The following DOK6 variants were observed in gnomAD, a reference collection of about 807,000 sequenced individuals.
DOK6 encodes docking protein 6.
A neutral mutation model predicts 44.0 loss-of-function variants in DOK6; 22 were observed. The ratio of observed to expected loss-of-function variants is 0.50; its 90% CI spans 0.36 to 0.71. The LOEUF is 0.71. Among genes scored for constraint, DOK6 ranks in the 30% least tolerant of loss-of-function variants. DOK6 has a pLI of 0.00. For synonymous variants in DOK6, 166 were observed against 145.5 expected (o/e 1.14, Z -1.01); for missense variants, 340 against 416.4 (o/e 0.82, Z 1.60).
intron 3 of DOK6, among the ~76,000 whole-genome samples, chr18:69,610,233 G>C (rs1021865685): frequency 6.6e-6 from 1 of 152,084 alleles, no homozygotes; most frequent in African/African-American, 2.4e-5. Context: ...TGAAAATGTA[G>C]GTAAAAGTAT....
At position 69,785,303 on chromosome 18, in the gene DOK6, A is replaced by G. The variant is rs1330829407; in HGVS notation, c.856+27430A>G. Reference sequence around the variant, plus strand: ...ATTTAATTCTAAGATGTAGGTTTGCAATTACGCATTTGGTTCAGCAAAACA... The same window carrying G: ...ATTTAATTCTAAGATGTAGGTTTGCGATTACGCATTTGGTTCAGCAAAACA... On this transcript the variant is annotated intron_variant, in intron 7 of 7. Coordinates refer to ENST00000382713, the MANE Select transcript of DOK6 (RefSeq NM_152721.6). Among the ~76,000 whole-genome samples the G allele has an allele frequency of 6.6e-5, 10 of 152,202 alleles. No individual in the cohort carries two copies. In the East Asian group the frequency reaches 7.7e-4, roughly 12 times the overall value.
At chr18:69,703,756 A>G (rs1277169535) in intron 5 of DOK6, among the ~76,000 whole-genome samples, 2 of 152,212 alleles carry the variant, frequency 1.3e-5, no homozygotes, top group Non-Finnish European at 2.9e-5. Flanking sequence ...CAACAAGCAT[A>G]CTATGGACTC....
intron 3 of DOK6, among the ~76,000 whole-genome samples, chr18:69,611,168 C>G (rs551231941): frequency 6.6e-6 from 1 of 151,950 alleles, no homozygotes. Flanking sequence ...TGAAATTTTG[C>G]CTATGTGAAT....
At chr18:69,649,775 T>C (rs1005186500) in intron 3 of DOK6, among the ~76,000 whole-genome samples, 4 of 152,194 alleles carry the variant, frequency 2.6e-5, no homozygotes, top group African/African-American at 7.2e-5. Flanking sequence ...AAGATTTTAA[T>C]AGTAAAATAT....
intron 3 of DOK6, among the ~76,000 whole-genome samples, chr18:69,636,534 T>C (rs1158473509): frequency 6.6e-6 from 1 of 152,236 alleles, no homozygotes; most frequent in African/African-American, 2.4e-5. Context: ...AGTTGATTTT[T>C]GCTGCATTTA....
intron 2 of DOK6, among the ~76,000 whole-genome samples, chr18:69,571,621 A>G (rs1035585894): frequency 6.6e-6 from 1 of 152,122 alleles, no homozygotes; most frequent in Non-Finnish European, 1.5e-5. Context: ...GACAAAGAGT[A>G]TTACCAAAGA....
chr18:69,543,988 G>A (rs1982334381), intron 1 of DOK6, among the ~76,000 whole-genome samples: 1 of 151,332 alleles, frequency 6.6e-6, no homozygotes, highest in African/African-American at 2.4e-5. Context: ...TGTTCCACAT[G>A]ATTTTGGGGT....
At chr18:69,474,149 T>TG (rs771480663) in intron 1 of DOK6, among the ~76,000 whole-genome samples, 45 of 152,202 alleles carry the variant, frequency 3.0e-4, no homozygotes, top group Admixed American at 8.5e-4. Flanking sequence ...GTGTCCTTGG[T>TG]GAGGGGGGGC....
At chr18:69,465,404 C>G (rs1979895865) in intron 1 of DOK6, among the ~76,000 whole-genome samples, 1 of 151,796 alleles carries the variant, frequency 6.6e-6, no homozygotes, top group African/African-American at 2.4e-5. Flanking sequence ...GTGCTGCACC[C>G]ATTAACTCGT....
intron 5 of DOK6, among the ~76,000 whole-genome samples, chr18:69,727,098 ATCC>A (rs1568107028): frequency 6.6e-6 from 1 of 152,092 alleles, no homozygotes; most frequent in Admixed American, 6.5e-5. Context: ...GGCTCAAGCA[ATCC>A]TCCTTCTTTG....
intron 7 of DOK6, among the ~76,000 whole-genome samples, chr18:69,820,686 C>G (rs1981544011): frequency 6.6e-6 from 1 of 152,070 alleles, no homozygotes; most frequent in South Asian, 2.1e-4. Flanking sequence ...ATAACATACT[C>G]TATACACCAT....
In DOK6 at chr18:69,835,664, G is replaced by T. The variant is rs553638984; in HGVS notation, c.857-5580G>T. On this transcript the variant is annotated intron_variant, in intron 7 of 7. Transcript: ENST00000382713. Reference sequence around the variant, plus strand: ...AATGGCTAGAAGCTTACTTGTTAAAGGATGACAGCGTCTCCTCTGTGTCTA... The same window carrying T: ...AATGGCTAGAAGCTTACTTGTTAAATGATGACAGCGTCTCCTCTGTGTCTA... Among the ~76,000 whole-genome samples the T allele has an allele frequency of 5.1e-4, 77 of 152,252 alleles. 1 individual carries two copies. In the Middle Eastern group the frequency reaches 0.01, roughly 20 times the overall value.
Position 69,841,408 on chromosome 18 carries a change from G to C in DOK6, c.*25G>C, listed in dbSNP as rs200475816. On this transcript the variant is annotated 3_prime_UTR_variant, in exon 8 of 8. Coordinates refer to ENST00000382713, the MANE Select transcript of DOK6 (RefSeq NM_152721.6). ...ACACACAGAGAGCCGCTGTTGACTAGAGAGACAGTCTGTCCTGGACCCGTC... is the reference window on the plus strand; with the variant it reads ...ACACACAGAGAGCCGCTGTTGACTACAGAGACAGTCTGTCCTGGACCCGTC... The C allele has an allele frequency of 7.3e-5, 118 of 1,613,974 alleles. No individual in the cohort carries two copies. In the Admixed American group the frequency reaches 1.9e-3, roughly 26 times the overall value.
chr18:69,627,418 T>G (rs966396182), intron 3 of DOK6, among the ~76,000 whole-genome samples: 2 of 152,098 alleles, frequency 1.3e-5, no homozygotes, highest in Non-Finnish European at 2.9e-5. Flanking sequence ...TTATAAATAA[T>G]TCACCTTCCT....
intron 3 of DOK6, among the ~76,000 whole-genome samples, chr18:69,602,877 A>T (rs976772834): frequency 2.0e-5 from 3 of 152,254 alleles, no homozygotes; most frequent in African/African-American, 4.8e-5. Flanking sequence ...GGTGTTTGAA[A>T]AACTAAATTC....
intron 1 of DOK6, among the ~76,000 whole-genome samples, chr18:69,412,428 T>C (rs1223853423): frequency 1.3e-5 from 2 of 152,154 alleles, no homozygotes; most frequent in African/African-American, 2.4e-5. Context: ...ATTTTTTCTC[T>C]TTTGTTTTGG....
intron 1 of DOK6, among the ~76,000 whole-genome samples, chr18:69,441,525 G>A (rs2122442239): frequency 6.6e-6 from 1 of 152,140 alleles, no homozygotes; most frequent in Middle Eastern, 3.4e-3. Context: ...TTGTAAAGAA[G>A]AACCTTCAAG....
At chr18:69,789,104 T>A (rs1352496509) in intron 7 of DOK6, among the ~76,000 whole-genome samples, 1 of 152,198 alleles carries the variant, frequency 6.6e-6, no homozygotes, top group Non-Finnish European at 1.5e-5. Context: ...ACCATGTATT[T>A]GAGTTACAAA....
intron 1 of DOK6, among the ~76,000 whole-genome samples, chr18:69,436,872 T>A (rs1737159569): frequency 6.6e-6 from 1 of 152,264 alleles, no homozygotes; most frequent in Admixed American, 6.5e-5. Context: ...TGAAATGGTA[T>A]CTCATTGTGG....
Sources: gnomAD v4.1 joint callset for allele counts (sites outside exome capture counted in the v4.1 genomes callset) on GRCh38, gnomAD v4.1.1 for gene constraint, MANE v1.5 for transcripts, NCBI Gene and HGNC (gene_info 2026-07-23, HGNC 2026-07-21) for gene names.